Variants in KRT86 observed in about 807,000 individuals in gnomAD.
KRT86 encodes the protein keratin, type II cuticular Hb6.
In KRT86, 30 loss-of-function variants were observed where a neutral mutation model predicts 41.2. The ratio of observed to expected loss-of-function variants is 0.73; its 90% CI spans 0.54 to 0.99. The LOEUF is 0.99. Ranked by LOEUF, KRT86 falls within the 50% of genes least tolerant of loss-of-function variation. KRT86 has a pLI of 0.00. For missense variants in KRT86, 561 were observed against 571.4 expected (o/e 0.98, Z 0.19); for synonymous variants, 238 against 238.1 (o/e 1.00, Z 0.00).
chr12:52,305,975 C>T (rs1187321788), intron 8 of KRT86, 85 bp from the exon 9 acceptor site: 6 of 1,585,590 alleles, frequency 3.8e-6, no homozygotes, highest in Non-Finnish European at 5.2e-6. Flanking sequence ...GTGCTCCCAG[C>T]TTGGTGGGGA....
intron 3 of KRT86, among the ~76,000 whole-genome samples, chr12:52,302,841 T>TC (rs1555187690): frequency 1.6e-5 from 2 of 127,146 alleles, no homozygotes; most frequent in African/African-American, 2.9e-5. Context: ...GGGTGGGGGG[T>TC]GGGGGGGGGG....
intron 2 of KRT86, chr12:52,286,616 C>T (rs1937947593): frequency 9.1e-6 from 11 of 1,208,210 alleles, no homozygotes; most frequent in Non-Finnish European, 1.3e-5. Context: ...GTGGACAATT[C>T]TAGGTCCATC....
chr12:52,279,698 C>T (rs1937728546), intron 2 of KRT86, among the ~76,000 whole-genome samples: 1 of 152,036 alleles, frequency 6.6e-6, no homozygotes, highest in Non-Finnish European at 1.5e-5. Context: ...TATGATGATT[C>T]GATATTATAG....
chr12:52,280,326 G>T (rs1480831217), intron 2 of KRT86, among the ~76,000 whole-genome samples: 1 of 152,176 alleles, frequency 6.6e-6, no homozygotes, highest in Non-Finnish European at 1.5e-5. Context: ...GCTAGATAAA[G>T]GCTGGATTTC....
intron 7 of KRT86, 121 bp from the exon 8 acceptor site, chr12:52,305,542 G>A (rs1032332589): frequency 6.3e-7 from 1 of 1,599,554 alleles, no homozygotes; most frequent in African/African-American, 1.3e-5. Flanking sequence ...GGGTGGTAGG[G>A]CAGGACTGCC....
chr12:52,308,875 T>C lies in KRT86; in HGVS notation c.*290T>C. The C allele has an allele frequency of 2.2e-6, 1 of 446,038 alleles. No homozygotes were observed. The highest frequency in any genetic ancestry group is 4.1e-6 in the Non-Finnish European group (1 of 242,834). 27.6% of individuals were successfully genotyped at this position (446,038 alleles called of 1,614,324 possible). On this transcript the variant is annotated 3_prime_UTR_variant, in exon 11 of 11. Transcript: ENST00000423955. ...CCTTCTGTTTTTTTTGCTGTATACA[T>C]TGGTCTTGCCTGAGCTCTTCCCCAA...
chr12:52,282,537 A>C (rs974113163), intron 2 of KRT86, among the ~76,000 whole-genome samples: 1 of 152,182 alleles, frequency 6.6e-6, no homozygotes, highest in Non-Finnish European at 1.5e-5. Flanking sequence ...CGCCCGGCCA[A>C]GTTTTGAGCC....
At chr12:52,293,250 G>T (rs371046805) in intron 2 of KRT86, among the ~76,000 whole-genome samples, 1 of 152,162 alleles carries the variant, frequency 6.6e-6, no homozygotes, top group East Asian at 1.9e-4. Flanking sequence ...TATCGTAAAT[G>T]ATCTCTAATT....
rs762886874 is a variant in KRT86, at chr12:52,305,659, C to T, written c.901-4C>T. 2.5e-6 allele frequency: 4 copies of T among 1,613,930 alleles called. No homozygotes were observed. In the African/African-American group the frequency reaches 4.0e-5, roughly 16 times the overall value. ...AACCTCATGAGCATCTCTACTTCCC[C>T]CAGTGTGAGGAGATGAAGGCCACGG... On this transcript the variant is annotated splice_region_variant and splice_polypyrimidine_tract_variant and intron_variant, in intron 7 of 10. Coordinates refer to ENST00000423955, the MANE Select transcript of KRT86 (RefSeq NM_001320198.2).
intron 2 of KRT86, chr12:52,286,662 C>T (rs1824800022): frequency 8.2e-7 from 1 of 1,217,460 alleles, no homozygotes; most frequent in Admixed American, 1.9e-5. Context: ...ATGTCTGACC[C>T]CAAATCCCTC....
At chr12:52,291,784 C>A (rs1938134948) in intron 2 of KRT86, among the ~76,000 whole-genome samples, 1 of 151,278 alleles carries the variant, frequency 6.6e-6, no homozygotes, top group Non-Finnish European at 1.5e-5. Context: ...CCTTCATCTG[C>A]AGGCATTGGG....
At position 52,308,548 on chromosome 12, in the gene KRT86, G is replaced by T. The variant is rs756310592; in HGVS notation, c.1424G>T (p.Arg475Leu). The T allele has an allele frequency of 8.7e-6, 14 of 1,600,802 alleles. No individual in the cohort carries two copies. The highest frequency in any genetic ancestry group is 3.4e-6 in the Non-Finnish European group (4 of 1,179,812). Residue 475 changes from arginine to leucine, a missense_variant, in exon 11 of 11, where the codon CGG becomes CTG. By Grantham distance (102) the Arg-to-Leu change is moderately radical. Transcript: ENST00000423955. ...ACTAACGCCTGCGCCCCCTCCGCCC[G>T]GGTTGGCGTCTGCGGCGGCAGCTGT... ...GTTNACAPSA[R>L]VGVCGGSCKR...
rs1938582164 is a variant in KRT86, at chr12:52,308,924, C to CGGGAATGTCCCTGTCTGCACGACCT, written c.*344_*368dup. 1 of 356,586 alleles carries CGGGAATGTCCCTGTCTGCACGACCT rather than the reference C, an allele frequency of 2.8e-6. No homozygotes were observed. Among genetic ancestry groups the CGGGAATGTCCCTGTCTGCACGACCT allele is most frequent in the Admixed American group, 4.4e-5 (1 of 22,988 alleles). 22.1% of individuals were successfully genotyped at this position (356,586 alleles called of 1,614,324 possible). On this transcript the variant is annotated 3_prime_UTR_variant, in exon 11 of 11. Transcript: ENST00000423955. ...AAAGCTTGGAGGAACGGGGGAGGCC[C>CGGGAATGTCCCTGTCTGCACGACCT]GGGAATGTCCCTGTCTGCACGACCT...
chr12:52,301,262 AG>A (rs1035070544), intron 2 of KRT86, among the ~76,000 whole-genome samples: 5 of 151,664 alleles, frequency 3.3e-5, no homozygotes, highest in African/African-American at 9.7e-5. Context: ...AGAGAGAGAG[AG>A]AAAAAAACAT....
intron 2 of KRT86, among the ~76,000 whole-genome samples, chr12:52,292,194 C>G (rs1314084110): frequency 1.3e-5 from 2 of 152,162 alleles, no homozygotes; most frequent in African/African-American, 4.8e-5. Context: ...CCTGTTTACC[C>G]CGATTCAACA....
chr12:52,286,184 G>C (rs977518732), intron 2 of KRT86: 2 of 1,271,708 alleles, frequency 1.6e-6, no homozygotes, highest in Non-Finnish European at 2.2e-6. Context: ...TGCTCCAGGC[G>C]CCTGGACTGG....
At chr12:52,308,364 G>A (rs1415965281) in intron 10 of KRT86, 40 bp from the exon 11 acceptor site, 2 of 1,611,414 alleles carry the variant, frequency 1.2e-6, no homozygotes, top group African/African-American at 1.3e-5. Context: ...CCCAGGTCGC[G>A]GCTGCGCCTG....
chr12:52,306,711 A>T (rs1430262474), intron 9 of KRT86: 1 of 267,206 alleles, frequency 3.7e-6, no homozygotes, highest in African/African-American at 2.2e-5. Flanking sequence ...AGATGACACT[A>T]TCAACTCATG....
intron 2 of KRT86, among the ~76,000 whole-genome samples, chr12:52,282,461 C>T (rs1291630759): frequency 6.6e-6 from 1 of 152,086 alleles, no homozygotes; most frequent in African/African-American, 2.4e-5. Flanking sequence ...TGGTCTCGAT[C>T]TTCTGACCTC....
Sources: allele counts gnomAD v4.1 joint callset (sites outside exome capture counted in the v4.1 genomes callset), GRCh38; gene constraint gnomAD v4.1.1; transcripts MANE v1.5; gene names NCBI Gene and HGNC (gene_info 2026-07-23, HGNC 2026-07-21).